The following NECAP1 variants were observed in gnomAD, a reference collection of about 807,000 sequenced individuals.
NECAP1 encodes the protein adaptin ear-binding coat-associated protein 1.
NECAP1 carries 13 observed loss-of-function variants against 33.4 expected under a neutral mutation model. The observed-to-expected ratio is 0.39, with a 90% confidence interval of 0.25 to 0.62. The LOEUF is 0.62. Among genes scored for constraint, NECAP1 ranks in the 20% least tolerant of loss-of-function variants. The pLI is 0.52. For synonymous variants in NECAP1, 109 were observed against 125.2 expected, an observed-to-expected ratio of 0.87 and a Z score of 0.86; for missense variants, 272 against 347.4, an observed-to-expected ratio of 0.78 and a Z score of 1.73.
At chr12:8,093,177 C>A (rs1947565270) in intron 6 of NECAP1, 122 bp downstream of exon 6, 4 of 947,634 alleles carry the variant, frequency 4.2e-6, no homozygotes, top group Non-Finnish European at 1.6e-6. Flanking sequence ...CAAGGTGATT[C>A]TGTCAGCTTC....
chr12:8,091,435 A>G lies in NECAP1; in HGVS notation c.302-334A>G, dbSNP rs1314256058. 1.7e-5 allele frequency: 5 copies of G among 301,056 alleles called. No individual in the cohort carries two copies. The East Asian group carries it at 3.7e-4, about 22-fold the overall frequency. The allele number at this position is 301,056 out of a possible 1,614,324, so 18.6% of individuals were successfully genotyped here. ...GGAGCCTTGGGCTTGTTTTCCTGCAACTAGACGGGGGTGATGGGAGACAGT... is the reference window on the plus strand; with the variant it reads ...GGAGCCTTGGGCTTGTTTTCCTGCAGCTAGACGGGGGTGATGGGAGACAGT... On this transcript the variant is annotated intron_variant, in intron 3 of 7. Transcript: ENST00000339754.
In NECAP1 at chr12:8,090,440, T is replaced by G. The variant is rs776936492; in HGVS notation, c.301+141T>G. 1.4e-5 allele frequency: 10 copies of G among 699,278 alleles called. No homozygotes were observed. The South Asian group carries it at 1.9e-4, about 13-fold the overall frequency. The allele number at this position is 699,278 out of a possible 1,614,324, so 43.3% of individuals were successfully genotyped here. Reference sequence around the variant, plus strand: ...CTTTCTCTAAAGTTGCTCTAGTTGCTAAAGGAAAAGTATTAACATGTTATT... The same window carrying G: ...CTTTCTCTAAAGTTGCTCTAGTTGCGAAAGGAAAAGTATTAACATGTTATT... On this transcript the variant is annotated intron_variant, in intron 3 of 7. Coordinates refer to ENST00000339754, the MANE Select transcript of NECAP1 (RefSeq NM_015509.4).
At chr12:8,087,453 C>T (rs956119633) in intron 1 of NECAP1, among the ~76,000 whole-genome samples, 16 of 150,766 alleles carry the variant, frequency 1.1e-4, no homozygotes, top group African/African-American at 3.7e-4. Flanking sequence ...TGTTAAGTAT[C>T]GGACACTAGA....
intron 1 of NECAP1, among the ~76,000 whole-genome samples, chr12:8,085,686 C>CTTCTTTTTTT (rs1947481617): frequency 5.7e-5 from 6 of 104,834 alleles, no homozygotes; most frequent in Admixed American, 1.1e-4. Flanking sequence ...ACTTAATCTT[C>CTTCTTTTTTT]TTTTTTTTTT....
chr12:8,084,790 C>CT (rs1385468816), intron 1 of NECAP1, among the ~76,000 whole-genome samples: 4 of 152,142 alleles, frequency 2.6e-5, no homozygotes. Flanking sequence ...AACTTGAGAT[C>CT]TTTTTAACTT....
At chr12:8,095,547 C>A in intron 6 of NECAP1, 54 bp from the exon 7 acceptor site, 1 of 1,469,338 alleles carries the variant, frequency 6.8e-7, no homozygotes, top group Non-Finnish European at 9.4e-7. Flanking sequence ...CGCGCCCGGC[C>A]CTTCCAAGAT....
At chr12:8,088,959 C>T (rs776038145) in intron 1 of NECAP1, 2 of 152,354 alleles carry the variant, frequency 1.3e-5, no homozygotes, top group South Asian at 4.1e-4. Flanking sequence ...CCCCAACCAC[C>T]CTCTTGAATG....
At chr12:8,087,965 T>G (rs1353182826) in intron 1 of NECAP1, among the ~76,000 whole-genome samples, 1 of 152,214 alleles carries the variant, frequency 6.6e-6, no homozygotes, top group Non-Finnish European at 1.5e-5. Flanking sequence ...TGTTCAAATA[T>G]ACCTTGTGGT....
chr12:8,086,468 G>C (rs748444029), intron 1 of NECAP1, among the ~76,000 whole-genome samples: 2 of 150,976 alleles, frequency 1.3e-5, no homozygotes, highest in African/African-American at 2.4e-5. Context: ...AAAAAACTTA[G>C]CCAGCCGTGG....
At position 8,090,047 on chromosome 12, in the gene NECAP1, C is replaced by T. The variant is rs375832217; in HGVS notation, c.196+11C>T. ...AGGATAAAGTTTCAGGTAATCTTTG[C>T]GGGTGACCCTCTAACATTAAGAATA... is the stretch of plus-strand genomic sequence containing the variant. On this transcript the variant is annotated intron_variant, in intron 2 of 7. Transcript: ENST00000339754. 16 of 1,604,834 alleles carry T rather than the reference C, an allele frequency of 1.0e-5. No individual in the cohort carries two copies. Among genetic ancestry groups the T allele is most frequent in the Middle Eastern group, 1.6e-4 (1 of 6,076 alleles).
chr12:8,082,453 C>G lies in NECAP1; in HGVS notation c.95+70C>G, dbSNP rs761493445. 189 of 1,391,598 alleles carry G rather than the reference C, an allele frequency of 1.4e-4. No individual in the cohort carries two copies. The Admixed American group carries it at 3.3e-3, about 24-fold the overall frequency. The allele number at this position is 1,391,598 out of a possible 1,614,324, so 86.2% of individuals were successfully genotyped here. A position where few individuals can be genotyped will look rare whatever the true frequency, so the allele number is the denominator to read the frequency against. On this transcript the variant is annotated intron_variant, in intron 1 of 7. Transcript: ENST00000339754. The stretch of plus-strand genomic sequence containing the variant: ...ATGACAGCTTCCTTCTCAGCTAGCA[C>G]GCTGTCCGTCCCTGCCACTACTACC...
At chr12:8,094,223 T>A (rs941581201) in intron 6 of NECAP1, among the ~76,000 whole-genome samples, 7 of 152,226 alleles carry the variant, frequency 4.6e-5, no homozygotes, top group Non-Finnish European at 8.8e-5. Flanking sequence ...AGATTTTTTT[T>A]AAATTAAATT....
chr12:8,087,899 T>C (rs1947506674), intron 1 of NECAP1, among the ~76,000 whole-genome samples: 2 of 152,218 alleles, frequency 1.3e-5, no homozygotes, highest in Admixed American at 6.5e-5. Context: ...GTGCTAATTT[T>C]CACTTTCATT....
At position 8,096,083 on chromosome 12, in the gene NECAP1, A is replaced by G. The variant is rs1947591877; in HGVS notation, c.821A>G (p.Gln274Arg). ...GCACCACAGCCATCCAACTGGGTCC[A>G]GTTCTGAATGGCATTGGCAGGACAT... ...NQAPQPSNWVQF is the reference protein window; with the variant it reads ...NQAPQPSNWVRF Residue 274 changes from glutamine to arginine, a missense_variant, in exon 8 of 8, where the codon CAG (glutamine) becomes CGG (arginine). Gln to Arg is a conservative substitution (Grantham distance 43, BLOSUM62 1). Coordinates refer to ENST00000339754, the MANE Select transcript of NECAP1 (RefSeq NM_015509.4). 6.2e-7 allele frequency: 1 copy of G among 1,613,996 alleles called. No homozygotes were observed. Among genetic ancestry groups the G allele is most frequent in the Non-Finnish European group, 8.5e-7 (1 of 1,179,976 alleles).
chr12:8,084,547 C>T (rs749442435), intron 1 of NECAP1, among the ~76,000 whole-genome samples: 2 of 152,066 alleles, frequency 1.3e-5, no homozygotes, highest in African/African-American at 2.4e-5. Flanking sequence ...CTGTCATCCT[C>T]GCCCCTCCCC....
chr12:8,082,752 A>C (rs968708204), intron 1 of NECAP1: 6 of 190,372 alleles, frequency 3.2e-5, no homozygotes, highest in South Asian at 7.4e-5. Context: ...TATCATCCTC[A>C]TCCTTTCTCT....
At chr12:8,094,661 TCACTACGTTGCC>T in intron 6 of NECAP1, 1 of 152,346 alleles carries the variant, frequency 6.6e-6, no homozygotes, top group East Asian at 1.9e-4. Flanking sequence ...CAACAGAGTC[TCACTACGTTGCC>T]CAGGCTGGCC....
At chr12:8,093,770 T>G (rs1947571153) in intron 6 of NECAP1, 1 of 151,806 alleles carries the variant, frequency 6.6e-6, no homozygotes, top group African/African-American at 2.4e-5. Flanking sequence ...AATAAATAGA[T>G]AAAATAAAAT....
chr12:8,092,826 T>C, intron 5 of NECAP1, 42 bp downstream of exon 5: 1 of 1,597,508 alleles, frequency 6.3e-7, no homozygotes, highest in Non-Finnish European at 8.5e-7. Context: ...TGTGCTTCCA[T>C]AAGCCTATGA....
Sources: gnomAD v4.1 joint callset for allele counts (sites outside exome capture counted in the v4.1 genomes callset) on GRCh38, gnomAD v4.1.1 for gene constraint, MANE v1.5 for transcripts, NCBI Gene and HGNC (gene_info 2026-07-23, HGNC 2026-07-21) for gene names.